The following GRB2 variants were observed in gnomAD, a reference collection of about 807,000 sequenced individuals.
GRB2 encodes growth factor receptor-bound protein 2.
In GRB2, 2 loss-of-function variants were observed where a neutral mutation model predicts 27.4. The observed-to-expected ratio is 0.07, with a 90% confidence interval of 0.03 to 0.23. The LOEUF (loss-of-function observed/expected upper bound fraction) is 0.23, where lower values mean the gene tolerates loss of function less well. GRB2 is among the 10% of genes least tolerant of loss of function. The pLI, the probability that GRB2 is intolerant of heterozygous loss-of-function variation, is 1.00. For synonymous variants in GRB2, 94 were observed against 99.6 expected (o/e 0.94, Z 0.33); for missense variants, 102 against 282.4 (o/e 0.36, Z 4.58).
At chr17:75,368,217 T>TG (rs2078832542) in intron 2 of GRB2, among the ~76,000 whole-genome samples, 1 of 147,938 alleles carries the variant, frequency 6.8e-6, no homozygotes, top group Non-Finnish European at 1.5e-5. Flanking sequence ...GCTCAGCTGT[T>TG]TTTTTTTTTT....
At chr17:75,370,278 G>A (rs566849228) in intron 2 of GRB2, among the ~76,000 whole-genome samples, 1 of 152,258 alleles carries the variant, frequency 6.6e-6, no homozygotes, top group East Asian at 1.9e-4. Context: ...CACTATTCCA[G>A]GCCTGGAAGA....
intron 2 of GRB2, among the ~76,000 whole-genome samples, chr17:75,382,700 G>C (rs1178710747): frequency 1.8e-5 from 2 of 109,204 alleles, no homozygotes; most frequent in East Asian, 6.9e-4. Flanking sequence ...GGCATCCTAA[G>C]ATTTTTATTT....
intron 4 of GRB2, among the ~76,000 whole-genome samples, chr17:75,324,443 C>G (rs1598216373): frequency 7.2e-6 from 1 of 139,106 alleles, no homozygotes; most frequent in African/African-American, 2.7e-5. Flanking sequence ...CTTCTGACCT[C>G]AGGTGATCTG....
intron 1 of GRB2, among the ~76,000 whole-genome samples, chr17:75,402,252 C>T (rs1434661248): frequency 6.6e-6 from 1 of 152,126 alleles, no homozygotes; most frequent in Non-Finnish European, 1.5e-5. Flanking sequence ...TTACTGAGCG[C>T]TATTGCTTTC....
At chr17:75,365,786 G>T (rs1291020033) in intron 2 of GRB2, among the ~76,000 whole-genome samples, 1 of 152,202 alleles carries the variant, frequency 6.6e-6, no homozygotes, top group East Asian at 1.9e-4. Flanking sequence ...GGTGCCCAGG[G>T]GTTGCTCAGG....
intron 2 of GRB2, among the ~76,000 whole-genome samples, chr17:75,382,703 T>TTTTATGTA (rs150302737): frequency 2.8e-4 from 43 of 150,934 alleles, no homozygotes; most frequent in Non-Finnish European, 5.8e-4. Context: ...ATCCTAAGAT[T>TTTTATGTA]TTTATTTATT....
At chr17:75,324,517 T>TTTG (rs2078484302) in intron 4 of GRB2, among the ~76,000 whole-genome samples, 1 of 76,076 alleles carries the variant, frequency 1.3e-5, no homozygotes, top group African/African-American at 4.1e-5. Flanking sequence ...GTTTTTTTTT[T>TTTG]TTTTTTTTTT....
intron 1 of GRB2, among the ~76,000 whole-genome samples, chr17:75,396,640 G>A (rs575626479): frequency 2.6e-4 from 40 of 151,606 alleles, no homozygotes; most frequent in Non-Finnish European, 5.7e-4. Flanking sequence ...TGCCTGCCTC[G>A]GCCTCCCAAA....
intron 4 of GRB2, among the ~76,000 whole-genome samples, chr17:75,324,968 C>T (rs1424849105): frequency 1.3e-5 from 2 of 152,008 alleles, no homozygotes; most frequent in Non-Finnish European, 2.9e-5. Flanking sequence ...CCCAGGTACT[C>T]GGAGGGTGGG....
intron 1 of GRB2, among the ~76,000 whole-genome samples, chr17:75,402,735 A>G (rs1440035730): frequency 2.0e-5 from 3 of 152,218 alleles, no homozygotes. Flanking sequence ...AGATTTTAAA[A>G]TTTGCATTCC....
At chr17:75,346,848 C>A (rs1445129733) in intron 2 of GRB2, among the ~76,000 whole-genome samples, 1 of 152,066 alleles carries the variant, frequency 6.6e-6, no homozygotes, top group African/African-American at 2.4e-5. Flanking sequence ...CAGGCATGAG[C>A]CACTGTGCCC....
intron 2 of GRB2, among the ~76,000 whole-genome samples, chr17:75,391,891 T>C (rs1417922983): frequency 6.6e-6 from 1 of 152,024 alleles, no homozygotes. Flanking sequence ...GTGCTTAATG[T>C]GCAATGGGAC....
intron 2 of GRB2, among the ~76,000 whole-genome samples, chr17:75,361,529 C>T (rs2078781613): frequency 1.3e-5 from 2 of 152,158 alleles, no homozygotes; most frequent in African/African-American, 4.8e-5. Flanking sequence ...AACACTACTT[C>T]CTTCATCTAT....
At position 75,330,307 on chromosome 17, in the gene GRB2, G is replaced by C. The variant is rs150128339; in HGVS notation, c.176+2393C>G. Among the ~76,000 whole-genome samples the C allele has an allele frequency of 8.7e-3, 1,321 of 152,060 alleles. 18 individuals carry two copies. Among genetic ancestry groups the C allele is most frequent in the African/African-American group, 0.03 (1,246 of 41,460 alleles). ...GGAGGCAGGAGAATCCCTTGAACCA[G>C]GGAGTTGGGGGTTGCAGTGAGCCGA... On this transcript the variant is annotated intron_variant, in intron 3 of 5. Transcript: ENST00000316804.
At chr17:75,378,634 G>A (rs2078909445) in intron 2 of GRB2, among the ~76,000 whole-genome samples, 1 of 152,208 alleles carries the variant, frequency 6.6e-6, no homozygotes, top group African/African-American at 2.4e-5. Flanking sequence ...GTTCAGGTGG[G>A]TGTAGTTCTA....
At position 75,338,823 on chromosome 17, in the gene GRB2, G is replaced by A. The variant is rs551435860; in HGVS notation, c.79-6026C>T. ...TCCTTTCTGTGCTGATAGCACTCAC[G>A]CAAATGGTCAACTTTCCTAAAATTC... On this transcript the variant is annotated intron_variant, in intron 2 of 5. Transcript: ENST00000316804. 4.2e-5 allele frequency: 32 copies of A among 755,418 alleles called. No homozygotes were observed. In the African/African-American group the frequency reaches 4.6e-4, roughly 11 times the overall value. 46.8% of individuals were successfully genotyped at this position (755,418 alleles called of 1,614,324 possible). A position where few individuals can be genotyped will look rare whatever the true frequency, so the allele number is the denominator to read the frequency against.
intron 2 of GRB2, among the ~76,000 whole-genome samples, chr17:75,346,618 CTT>C (rs374373450): frequency 8.5e-6 from 1 of 117,606 alleles, no homozygotes; most frequent in African/African-American, 3.2e-5. Context: ...GAGTCACACT[CTT>C]TGCACAGGCA....
Position 75,378,588 on chromosome 17 carries a change from T to C in GRB2, c.78+14963A>G, listed in dbSNP as rs1273468504. Among the ~76,000 whole-genome samples the C allele has an allele frequency of 3.3e-5, 5 of 152,118 alleles. No homozygotes were observed. In the East Asian group the frequency reaches 7.7e-4, roughly 23 times the overall value. On this transcript the variant is annotated intron_variant, in intron 2 of 5. Coordinates refer to ENST00000316804, the MANE Select transcript of GRB2 (RefSeq NM_002086.5). The stretch of plus-strand genomic sequence containing the variant: ...ACACTAACAAACTCATAGCTAAATA[T>C]GAAAATTACTACTAAGAACTTTAAA...
At chr17:75,391,568 G>A (rs1014569482) in intron 2 of GRB2, among the ~76,000 whole-genome samples, 1 of 152,168 alleles carries the variant, frequency 6.6e-6, no homozygotes, top group African/African-American at 2.4e-5. Context: ...CAGCACTTTG[G>A]GAGGCCGAGG....
Sources: allele counts gnomAD v4.1 joint callset (sites outside exome capture counted in the v4.1 genomes callset), GRCh38; gene constraint gnomAD v4.1.1; transcripts MANE v1.5; gene names NCBI Gene and HGNC (gene_info 2026-07-23, HGNC 2026-07-21).